OPN3: variants seen among roughly 807,000 people sequenced by gnomAD.
OPN3 encodes opsin 3, also known as opsin-3.
OPN3 carries 29 observed loss-of-function variants against 33.8 expected under a neutral mutation model. The observed-to-expected ratio is 0.86, with a 90% CI of 0.64 to 1.17. OPN3 has a LOEUF of 1.17. Ranked by LOEUF, OPN3 falls within the 50% of genes most tolerant of loss-of-function variation. The pLI is 0.00. For synonymous variants in OPN3, 216 were observed against 216.1 expected (o/e 1.00, Z 0.00); for missense variants, 437 against 514.1 (o/e 0.85, Z 1.45).
intron 1 of OPN3, among the ~76,000 whole-genome samples, chr1:241,613,329 C>G (rs1664044413): frequency 6.6e-6 from 1 of 152,096 alleles, no homozygotes; most frequent in Non-Finnish European, 1.5e-5. Flanking sequence ...GATGAAGAAA[C>G]TGAGGCAATA....
At chr1:241,632,918 G>C (rs151171947) in intron 1 of OPN3, 2 of 152,166 alleles carry the variant, frequency 1.3e-5, no homozygotes, top group Admixed American at 6.5e-5. Context: ...AGGAATTTCA[G>C]AACAGCCCTT....
rs1663393746 is a variant in OPN3, at chr1:241,593,490, T to C, written c.*938A>G. 2 of 312,746 alleles carry C rather than the reference T, an allele frequency of 6.4e-6. No individual in the cohort carries two copies. Among genetic ancestry groups the C allele is most frequent in the Non-Finnish European group, 7.4e-6 (1 of 134,470 alleles). 19.4% of individuals were successfully genotyped at this position (312,746 alleles called of 1,614,324 possible). On this transcript the variant is annotated 3_prime_UTR_variant, in exon 4 of 4. Coordinates refer to ENST00000366554, the MANE Select transcript of OPN3 (RefSeq NM_014322.3). The stretch of plus-strand genomic sequence containing the variant: ...CAGTGTTTCTTTTCTATATTGTCAA[T>C]GAAAACCTTGAGTTCTAATAATCCA...
intron 1 of OPN3, chr1:241,634,020 C>G: frequency 6.2e-7 from 1 of 1,613,776 alleles, no homozygotes; most frequent in Non-Finnish European, 8.5e-7. Context: ...TTTCCCAGGC[C>G]ACAGTCAGGC....
chr1:241,635,553 T>A, intron 1 of OPN3: 1 of 1,614,082 alleles, frequency 6.2e-7, no homozygotes, highest in Non-Finnish European at 8.5e-7. Context: ...ACAACAGTAC[T>A]TTCTTCCCCA....
chr1:241,611,961 G>A (rs1321313293), intron 1 of OPN3, among the ~76,000 whole-genome samples: 1 of 152,220 alleles, frequency 6.6e-6, no homozygotes, highest in Non-Finnish European at 1.5e-5. Flanking sequence ...GGGAAGGAGA[G>A]ACGAGGAAGG....
At chr1:241,623,959 C>A (rs1664335851) in intron 1 of OPN3, among the ~76,000 whole-genome samples, 1 of 152,138 alleles carries the variant, frequency 6.6e-6, no homozygotes, top group Non-Finnish European at 1.5e-5. Context: ...GTTACAGACA[C>A]TGGACCCTCT....
At chr1:241,622,521 T>C (rs977365898) in intron 1 of OPN3, among the ~76,000 whole-genome samples, 2 of 152,154 alleles carry the variant, frequency 1.3e-5, no homozygotes, top group South Asian at 2.1e-4. Flanking sequence ...TCGATTACAA[T>C]AGTCCTCTGT....
chr1:241,612,381 A>T (rs977365371), intron 1 of OPN3, among the ~76,000 whole-genome samples: 6 of 152,238 alleles, frequency 3.9e-5, no homozygotes, highest in African/African-American at 1.2e-4. Context: ...GATGCAGTTT[A>T]ACTATTTTTG....
chr1:241,623,731 G>A (rs1297547010), intron 1 of OPN3, among the ~76,000 whole-genome samples: 1 of 152,044 alleles, frequency 6.6e-6, no homozygotes, highest in African/African-American at 2.4e-5. Context: ...CTGTATTTCT[G>A]TCTTCAAATT....
intron 2 of OPN3, among the ~76,000 whole-genome samples, 167 bp downstream of exon 2, chr1:241,604,093 C>A (rs554163667): frequency 6.6e-6 from 1 of 152,216 alleles, no homozygotes; most frequent in East Asian, 1.9e-4. Context: ...ATTGATCTTT[C>A]CAGAGAGTGA....
intron 1 of OPN3, among the ~76,000 whole-genome samples, chr1:241,608,490 C>T (rs1177288045): frequency 6.6e-6 from 1 of 152,100 alleles, no homozygotes; most frequent in Non-Finnish European, 1.5e-5. Context: ...CAGTGCAGTG[C>T]TATGAAGAAT....
intron 1 of OPN3, chr1:241,634,136 G>C (rs767840796): frequency 1.2e-6 from 2 of 1,612,938 alleles, no homozygotes; most frequent in African/African-American, 1.3e-5. Flanking sequence ...TCTTGGCTTT[G>C]TAAGTTCTTC....
intron 3 of OPN3, among the ~76,000 whole-genome samples, chr1:241,597,132 G>T (rs1015869527): frequency 1.3e-5 from 2 of 152,052 alleles, no homozygotes; most frequent in African/African-American, 4.8e-5. Context: ...ACCAGGCCCA[G>T]GAAGTTTCTT....
At chr1:241,628,377 G>A (rs996131527) in intron 1 of OPN3, among the ~76,000 whole-genome samples, 4 of 152,086 alleles carry the variant, frequency 2.6e-5, no homozygotes, top group African/African-American at 9.7e-5. Context: ...CCCACAGTAG[G>A]TGTTCAATGG....
chr1:241,624,419 G>A (rs1664356812), intron 1 of OPN3, among the ~76,000 whole-genome samples: 1 of 152,182 alleles, frequency 6.6e-6, no homozygotes, highest in African/African-American at 2.4e-5. Context: ...TCAGCCCATG[G>A]AAATCCTTCT....
intron 2 of OPN3, among the ~76,000 whole-genome samples, chr1:241,601,522 G>A (rs995969801): frequency 6.6e-6 from 1 of 152,072 alleles, no homozygotes; most frequent in South Asian, 2.1e-4. Flanking sequence ...GGCCAACATG[G>A]TGAAACCCCA....
intron 1 of OPN3, among the ~76,000 whole-genome samples, chr1:241,612,669 A>G (rs2148007756): frequency 6.6e-6 from 1 of 152,298 alleles, no homozygotes; most frequent in Non-Finnish European, 1.5e-5. Context: ...TAACTGCTCT[A>G]TGGATAACAG....
chr1:241,607,557 AAGG>A (rs1663866200), intron 1 of OPN3, among the ~76,000 whole-genome samples: 1 of 147,654 alleles, frequency 6.8e-6, no homozygotes, highest in East Asian at 2.1e-4. Flanking sequence ...GGAAGGAAGG[AAGG>A]AAGAAAGAAA....
intron 2 of OPN3, among the ~76,000 whole-genome samples, chr1:241,598,934 G>A (rs1302243400): frequency 6.6e-6 from 1 of 151,986 alleles, no homozygotes; most frequent in East Asian, 1.9e-4. Flanking sequence ...ATTACTTTAT[G>A]CCTGGAAATT....
Sources: gnomAD v4.1 joint callset for allele counts (sites outside exome capture counted in the v4.1 genomes callset) on GRCh38, gnomAD v4.1.1 for gene constraint, MANE v1.5 for transcripts, NCBI Gene and HGNC (gene_info 2026-07-23, HGNC 2026-07-21) for gene names.